PXDNL: variants seen among roughly 807,000 people sequenced by gnomAD.
PXDNL encodes probable oxidoreductase PXDNL.
In PXDNL, 145 loss-of-function variants were observed where a neutral mutation model predicts 150.8. The ratio of observed to expected loss-of-function variants is 0.96; its 90% CI spans 0.84 to 1.10. The LOEUF is 1.10. Among genes scored for constraint, PXDNL ranks in the 50% least tolerant of loss-of-function variants. The pLI is 0.00. For synonymous variants in PXDNL, 757 were observed against 725.7 expected (o/e 1.04, Z -0.69); for missense variants, 2,087 against 1,873.9 (o/e 1.11, Z -2.10).
At chr8:51,729,755 T>G (rs4873585) in intron 1 of PXDNL, among the ~76,000 whole-genome samples, 148,041 of 152,276 alleles carry the variant, frequency 0.97, 72,097 homozygotes, top group East Asian at 1. Context: ...ATGTCTTTCA[T>G]CAGGTGAATG....
At chr8:51,771,712 CAGAA>C (rs2037296590) in intron 1 of PXDNL, among the ~76,000 whole-genome samples, 3 of 152,198 alleles carry the variant, frequency 2.0e-5, no homozygotes, top group Non-Finnish European at 4.4e-5. Context: ...AACAGAGAAA[CAGAA>C]AGAGAGACAG....
intron 1 of PXDNL, among the ~76,000 whole-genome samples, chr8:51,790,264 A>C (rs2037498330): frequency 6.6e-6 from 1 of 152,222 alleles, no homozygotes; most frequent in Non-Finnish European, 1.5e-5. Context: ...AATATCATTC[A>C]AAAGGAAGAG....
chr8:51,689,527 TG>T (rs1380151506), intron 1 of PXDNL, among the ~76,000 whole-genome samples: 1 of 152,158 alleles, frequency 6.6e-6, no homozygotes, highest in Non-Finnish European at 1.5e-5. Flanking sequence ...GTTAGTCTTA[TG>T]GGTGATGCCC....
chr8:51,510,616 G>A (rs1445949174), intron 4 of PXDNL, among the ~76,000 whole-genome samples: 1 of 152,216 alleles, frequency 6.6e-6, no homozygotes, highest in Non-Finnish European at 1.5e-5. Flanking sequence ...TTTTAGATGA[G>A]ATAAAACCGT....
intron 17 of PXDNL, among the ~76,000 whole-genome samples, chr8:51,387,688 T>C (rs1807761647): frequency 1.3e-5 from 2 of 152,224 alleles, no homozygotes; most frequent in Non-Finnish European, 2.9e-5. Context: ...AATGAATACA[T>C]GAATATTACG....
chr8:51,388,305 T>C (rs1807787006), intron 17 of PXDNL, among the ~76,000 whole-genome samples: 1 of 152,192 alleles, frequency 6.6e-6, no homozygotes, highest in Admixed American at 6.6e-5. Context: ...AAATCTGGTT[T>C]TTTTATGTTT....
intron 4 of PXDNL, among the ~76,000 whole-genome samples, chr8:51,500,210 T>C (rs1340145195): frequency 6.6e-6 from 1 of 152,236 alleles, no homozygotes; most frequent in Non-Finnish European, 1.5e-5. Context: ...AGTCAAAGTA[T>C]GGCATATTTG....
At chr8:51,670,347 C>G (rs1410657784) in intron 1 of PXDNL, among the ~76,000 whole-genome samples, 3 of 152,146 alleles carry the variant, frequency 2.0e-5, no homozygotes, top group African/African-American at 7.2e-5. Flanking sequence ...ATATGTTGTT[C>G]GATGATTTTG....
chr8:51,344,295 A>AC (rs1428967228), intron 20 of PXDNL, among the ~76,000 whole-genome samples: 2 of 151,172 alleles, frequency 1.3e-5, no homozygotes, highest in Non-Finnish European at 2.9e-5. Flanking sequence ...AAAAAAAAAA[A>AC]CTTTTTTAGA....
chr8:51,594,635 AT>A (rs1813522881), intron 2 of PXDNL, among the ~76,000 whole-genome samples: 1 of 152,192 alleles, frequency 6.6e-6, no homozygotes, highest in South Asian at 2.1e-4. Flanking sequence ...GAATTTTTTT[AT>A]TGCTGACAAG....
chr8:51,385,404 T>G (rs544339329), intron 17 of PXDNL, among the ~76,000 whole-genome samples: 2 of 152,278 alleles, frequency 1.3e-5, no homozygotes, highest in East Asian at 1.9e-4. Flanking sequence ...TACATAAGAT[T>G]AGTTAGCATA....
At position 51,378,599 on chromosome 8, in the gene PXDNL, G is replaced by A. The variant is rs187051325; in HGVS notation, c.3558-3868C>T. Among the ~76,000 whole-genome samples the A allele has an allele frequency of 1.6e-4, 24 of 152,312 alleles. No individual in the cohort carries two copies. In the South Asian group the frequency reaches 1.7e-3, roughly 11 times the overall value. On this transcript the variant is annotated intron_variant, in intron 17 of 22. Transcript: ENST00000356297. ...CTCTGTGGAAGATTTGTTCTTTTGC[G>A]CTTTGCAATAAATCTTGCTGCTGCT...
At chr8:51,538,296 C>T (rs1585561676) in intron 4 of PXDNL, among the ~76,000 whole-genome samples, 1 of 152,076 alleles carries the variant, frequency 6.6e-6, no homozygotes, top group Non-Finnish European at 1.5e-5. Flanking sequence ...GAAAATAACA[C>T]GTTTCATTTG....
At chr8:51,702,857 G>A (rs1816285634) in intron 1 of PXDNL, among the ~76,000 whole-genome samples, 2 of 151,982 alleles carry the variant, frequency 1.3e-5, no homozygotes, top group South Asian at 2.1e-4. Flanking sequence ...TTGAAACGCA[G>A]AAACAAAAGA....
rs370327197 is a variant in PXDNL at position 51,809,368 on chromosome 8, C to T, written c.-24G>A. ...ATCGCTCCATTCGCTGCTGGCCACG[C>T]GAAGAAGCAGCCGGAGGGAGAGCAG... On this transcript the variant is annotated 5_prime_UTR_variant, in exon 1 of 23. Coordinates refer to ENST00000356297, the MANE Select transcript of PXDNL (RefSeq NM_144651.5). 3.3e-6 allele frequency: 5 copies of T among 1,509,890 alleles called. No individual in the cohort carries two copies. Among genetic ancestry groups the T allele is most frequent in the Admixed American group, 2.4e-5 (1 of 42,030 alleles). 93.5% of individuals were successfully genotyped at this position (1,509,890 alleles called of 1,614,324 possible).
chr8:51,464,832 G>A (rs1427974955), intron 8 of PXDNL, among the ~76,000 whole-genome samples: 3 of 152,020 alleles, frequency 2.0e-5, no homozygotes, highest in Admixed American at 6.6e-5. Context: ...AAACCTGCAC[G>A]TTCTGCACAT....
chr8:51,350,951 G>T (rs1806333999), intron 19 of PXDNL, among the ~76,000 whole-genome samples: 1 of 151,938 alleles, frequency 6.6e-6, no homozygotes, highest in Non-Finnish European at 1.5e-5. Flanking sequence ...TCTCATAAAG[G>T]AACTGAGTAT....
At chr8:51,769,521 G>A (rs1050131452) in intron 1 of PXDNL, among the ~76,000 whole-genome samples, 3 of 152,204 alleles carry the variant, frequency 2.0e-5, no homozygotes, top group African/African-American at 7.2e-5. Flanking sequence ...AGTTGAAGCT[G>A]CCTTCACAAC....
At chr8:51,702,650 T>A (rs1288528566) in intron 1 of PXDNL, among the ~76,000 whole-genome samples, 1 of 152,124 alleles carries the variant, frequency 6.6e-6, no homozygotes, top group African/African-American at 2.4e-5. Context: ...TCCCCATCTA[T>A]CACATGGATG....
Sources: allele counts gnomAD v4.1 joint callset (sites outside exome capture counted in the v4.1 genomes callset), GRCh38; gene constraint gnomAD v4.1.1; transcripts MANE v1.5; gene names NCBI Gene and HGNC (gene_info 2026-07-23, HGNC 2026-07-21).